Variants in ATXN7L1 observed in about 807,000 individuals in gnomAD.
ATXN7L1 encodes ataxin-7-like protein 1.
ATXN7L1 carries 15 observed loss-of-function variants against 70.8 expected under a neutral mutation model. The ratio of observed to expected loss-of-function variants is 0.21; its 90% CI spans 0.14 to 0.33. ATXN7L1 has a LOEUF of 0.33. Among genes scored for constraint, ATXN7L1 ranks in the 10% least tolerant of loss-of-function variants. The pLI is 1.00. For missense variants in ATXN7L1, 975 were observed against 1,097.1 expected, an observed-to-expected ratio of 0.89 and a Z score of 1.57; for synonymous variants, 440 against 445.1, an observed-to-expected ratio of 0.99 and a Z score of 0.14.
At chr7:105,648,929 T>C (rs2115967333) in intron 4 of ATXN7L1, among the ~76,000 whole-genome samples, 1 of 138,880 alleles carries the variant, frequency 7.2e-6, no homozygotes, top group Admixed American at 6.7e-5. Flanking sequence ...CACCTCCATG[T>C]GCAGGTGGTG....
At chr7:105,784,727 C>T (rs1003218103) in intron 3 of ATXN7L1, among the ~76,000 whole-genome samples, 5 of 152,236 alleles carry the variant, frequency 3.3e-5, no homozygotes, top group African/African-American at 1.2e-4. Flanking sequence ...AGGCAGAGTA[C>T]CCATTTTACA....
intron 3 of ATXN7L1, among the ~76,000 whole-genome samples, chr7:105,706,791 G>A (rs1793235233): frequency 1.3e-5 from 2 of 152,162 alleles, no homozygotes; most frequent in Admixed American, 1.3e-4. Context: ...TGGGACTCTG[G>A]CCTAATGAAA....
intron 2 of ATXN7L1, among the ~76,000 whole-genome samples, chr7:105,821,710 T>C (rs1810191594): frequency 6.6e-6 from 1 of 152,244 alleles, no homozygotes; most frequent in Non-Finnish European, 1.5e-5. Context: ...TCACTTTCAG[T>C]TTCTTTAACT....
intron 4 of ATXN7L1, among the ~76,000 whole-genome samples, chr7:105,646,250 C>T (rs1799004351): frequency 6.6e-6 from 1 of 152,092 alleles, no homozygotes; most frequent in African/African-American, 2.4e-5. Flanking sequence ...TTTGAGGTTA[C>T]AGTGAGCTAG....
In ATXN7L1 at chr7:105,795,687, A is replaced by C. The variant is rs1025792343; in HGVS notation, c.251-6979T>G. On this transcript the variant is annotated intron_variant, in intron 2 of 11. Coordinates refer to ENST00000419735, the MANE Select transcript of ATXN7L1 (RefSeq NM_020725.2). ...TACAGAGAAGCTGCAAGAAGCAGAC[A>C]CTACTTTGAAGGCAGTCGGACAGCC... Among the ~76,000 whole-genome samples, 4 of 152,342 alleles carry C rather than the reference A, an allele frequency of 2.6e-5. No homozygotes were observed. The Middle Eastern group carries it at 0.01, about 389-fold the overall frequency.
At chr7:105,662,542 C>T (rs505540) in intron 4 of ATXN7L1, among the ~76,000 whole-genome samples, 12,264 of 152,128 alleles carry the variant, frequency 0.081, 711 homozygotes, top group East Asian at 0.23. Flanking sequence ...GCCTTTTGGG[C>T]GAGTGCTTTT....
intron 3 of ATXN7L1, among the ~76,000 whole-genome samples, chr7:105,759,012 A>G (rs959535562): frequency 6.6e-6 from 1 of 152,116 alleles, no homozygotes; most frequent in Non-Finnish European, 1.5e-5. Context: ...TCTTTGAACC[A>G]TTTTAAAGTT....
At chr7:105,806,147 G>T (rs1258900461) in intron 2 of ATXN7L1, among the ~76,000 whole-genome samples, 1 of 152,080 alleles carries the variant, frequency 6.6e-6, no homozygotes, top group Non-Finnish European at 1.5e-5. Flanking sequence ...GGGAATGCAG[G>T]TTACATGGTG....
intron 3 of ATXN7L1, among the ~76,000 whole-genome samples, chr7:105,701,292 T>C (rs1283734642): frequency 6.6e-6 from 1 of 152,184 alleles, no homozygotes; most frequent in African/African-American, 2.4e-5. Flanking sequence ...GTATCCATGA[T>C]AATTTTAGAT....
At chr7:105,609,225 A>T (rs1176053887) in intron 11 of ATXN7L1, among the ~76,000 whole-genome samples, 1 of 151,778 alleles carries the variant, frequency 6.6e-6, no homozygotes, top group Admixed American at 6.6e-5. Flanking sequence ...GCTGGAGTGC[A>T]ATGGTGCGAT....
chr7:105,778,912 T>C (rs1352804264), intron 3 of ATXN7L1, among the ~76,000 whole-genome samples: 1 of 152,216 alleles, frequency 6.6e-6, no homozygotes, highest in Non-Finnish European at 1.5e-5. Context: ...TACCTCAAAA[T>C]TGTGTTCAAG....
intron 2 of ATXN7L1, among the ~76,000 whole-genome samples, chr7:105,793,748 G>A (rs1805582102): frequency 6.6e-6 from 1 of 152,300 alleles, no homozygotes; most frequent in African/African-American, 2.4e-5. Context: ...TGGATAAACT[G>A]TGGATTAGAT....
intron 3 of ATXN7L1, among the ~76,000 whole-genome samples, chr7:105,751,812 C>G (rs1002790185): frequency 3.3e-5 from 5 of 152,236 alleles, no homozygotes; most frequent in African/African-American, 1.2e-4. Flanking sequence ...TCAGGTGTCC[C>G]CCTGGGGATG....
At chr7:105,830,436 C>T (rs568601869) in intron 2 of ATXN7L1, among the ~76,000 whole-genome samples, 1 of 152,398 alleles carries the variant, frequency 6.6e-6, no homozygotes, top group Admixed American at 6.5e-5. Flanking sequence ...AGCCCTGCCC[C>T]ATGGCGGGTG....
intron 9 of ATXN7L1, among the ~76,000 whole-genome samples, chr7:105,615,832 C>G (rs997845255): frequency 1.3e-5 from 2 of 152,026 alleles, no homozygotes; most frequent in Non-Finnish European, 2.9e-5. Context: ...GAGCAAACTC[C>G]CTGGAGCCAA....
At position 105,632,921 on chromosome 7, in the gene ATXN7L1, TAAAAAAAAAA is replaced by T. The variant is rs11417434; in HGVS notation, c.1202+5422_1202+5431del. The stretch of plus-strand genomic sequence containing the variant: ...GGGTTACAGAATGTAATCTTGTCTT[TAAAAAAAAAA>T]AAAAAAAAAAAAAAAAAGAAGAAGA... On this transcript the variant is annotated intron_variant, in intron 7 of 11. Coordinates refer to ENST00000419735, the MANE Select transcript of ATXN7L1 (RefSeq NM_020725.2). Among the ~76,000 whole-genome samples, 235 of 60,070 alleles carry T rather than the reference TAAAAAAAAAA, an allele frequency of 3.9e-3. 3 individuals are homozygous for T. Among genetic ancestry groups the T allele is most frequent in the Middle Eastern group, 0.023 (1 of 44 alleles). 39.4% of individuals were successfully genotyped at this position (60,070 alleles called of 152,430 possible). A position where few individuals can be genotyped will look rare whatever the true frequency, so the allele number is the denominator to read the frequency against.
chr7:105,750,448 G>T (rs572725141), intron 3 of ATXN7L1, among the ~76,000 whole-genome samples: 23 of 151,716 alleles, frequency 1.5e-4, no homozygotes, highest in African/African-American at 5.1e-4. Context: ...GCTAATTTTT[G>T]ATTGTTTTGT....
Position 105,819,637 on chromosome 7 carries a change from G to T in ATXN7L1, c.251-30929C>A, listed in dbSNP as rs1382057386. ...ATCATCATTTCTGGCCATTTCTACAGATACAAGTTGAAGTACCTGGTCTTC... is the reference window on the plus strand; with the variant it reads ...ATCATCATTTCTGGCCATTTCTACATATACAAGTTGAAGTACCTGGTCTTC... On this transcript the variant is annotated intron_variant, in intron 2 of 11. Coordinates refer to ENST00000419735, the MANE Select transcript of ATXN7L1 (RefSeq NM_020725.2). 4.5e-6 allele frequency: 4 copies of T among 880,948 alleles called. No individual in the cohort carries two copies. In the East Asian group the frequency reaches 1.0e-4, roughly 23 times the overall value. 54.6% of individuals were successfully genotyped at this position (880,948 alleles called of 1,614,324 possible). A position where few individuals can be genotyped will look rare whatever the true frequency, so the allele number is the denominator to read the frequency against.
intron 2 of ATXN7L1, among the ~76,000 whole-genome samples, chr7:105,824,761 G>T (rs952373465): frequency 6.6e-6 from 1 of 151,730 alleles, no homozygotes; most frequent in Non-Finnish European, 1.5e-5. Context: ...TGAAGAATAT[G>T]CATTTCCAAA....
Sources: gnomAD v4.1 joint callset for allele counts (sites outside exome capture counted in the v4.1 genomes callset) on GRCh38, gnomAD v4.1.1 for gene constraint, MANE v1.5 for transcripts, NCBI Gene and HGNC (gene_info 2026-07-23, HGNC 2026-07-21) for gene names.